KIAA1328: variants seen among roughly 807,000 people sequenced by gnomAD.
KIAA1328 encodes protein hinderin.
In KIAA1328, 52 loss-of-function variants were observed where a neutral mutation model predicts 68.1. That is an observed-to-expected ratio of 0.76 (90% CI 0.61 to 0.96). The LOEUF is 0.96. Among genes scored for constraint, KIAA1328 ranks in the 40% least tolerant of loss-of-function variants. The pLI is 0.00. For missense variants in KIAA1328, 641 were observed against 677.6 expected (o/e 0.95, Z 0.60); for synonymous variants, 232 against 239.4 (o/e 0.97, Z 0.28).
intron 6 of KIAA1328, among the ~76,000 whole-genome samples, chr18:37,060,730 A>G (rs1425370606): frequency 2.6e-5 from 4 of 152,226 alleles, no homozygotes; most frequent in South Asian, 4.1e-4. Context: ...AAGACTATTC[A>G]TACATGCTTT....
rs77970548 is a variant in KIAA1328, at chr18:36,843,175, C to T, written c.238-1033C>T. 3.3e-4 allele frequency among the ~76,000 whole-genome samples: 51 copies of T among 152,274 alleles called. No homozygotes were observed. The East Asian group carries it at 6.9e-3, about 21-fold the overall frequency. ...TAGTTTGAAAGCTAGACCTACCTTT[C>T]CAGCTTCCTGCCTAGACGTTTGCAC... On this transcript the variant is annotated intron_variant, in intron 3 of 9. Transcript: ENST00000280020.
intron 7 of KIAA1328, among the ~76,000 whole-genome samples, chr18:37,136,634 A>T (rs370801822): frequency 6.6e-6 from 1 of 152,180 alleles, no homozygotes; most frequent in Non-Finnish European, 1.5e-5. Context: ...ATTGCCAGGG[A>T]TTCAGAGTAG....
intron 6 of KIAA1328, among the ~76,000 whole-genome samples, chr18:36,999,751 A>G (rs1210645421): frequency 6.6e-6 from 1 of 152,226 alleles, no homozygotes; most frequent in Non-Finnish European, 1.5e-5. Context: ...CAGACCTACA[A>G]GAAATGCTCA....
At chr18:37,158,892 G>A (rs1217271543) in intron 7 of KIAA1328, among the ~76,000 whole-genome samples, 1 of 152,152 alleles carries the variant, frequency 6.6e-6, no homozygotes, top group South Asian at 2.1e-4. Flanking sequence ...GGATTTGCCT[G>A]GGTTTGGGGC....
chr18:36,919,559 C>T (rs146894872), intron 5 of KIAA1328, among the ~76,000 whole-genome samples: 128 of 152,088 alleles, frequency 8.4e-4, no homozygotes, highest in Non-Finnish European at 1.7e-3. Context: ...TTTGTTAGAA[C>T]GATTTATTTT....
intron 7 of KIAA1328, among the ~76,000 whole-genome samples, chr18:37,104,741 T>TATC (rs3085912): frequency 0.44 from 66,390 of 151,786 alleles, 16,491 homozygotes; most frequent in African/African-American, 0.69. Context: ...TGCATCAAAA[T>TATC]ATATGTACCC....
At chr18:36,984,969 T>C (rs2052855597) in intron 6 of KIAA1328, among the ~76,000 whole-genome samples, 1 of 149,266 alleles carries the variant, frequency 6.7e-6, no homozygotes, top group Middle Eastern at 3.2e-3. Flanking sequence ...GGACATACGA[T>C]ACTGTTAAGA....
intron 6 of KIAA1328, among the ~76,000 whole-genome samples, chr18:36,976,666 T>C (rs892753519): frequency 6.6e-6 from 1 of 151,796 alleles, no homozygotes; most frequent in Admixed American, 6.6e-5. Context: ...TGTTATATAT[T>C]ATAATTAATT....
chr18:37,197,660 T>G (rs560711610), intron 9 of KIAA1328, among the ~76,000 whole-genome samples: 121 of 152,248 alleles, frequency 7.9e-4, no homozygotes, highest in Non-Finnish European at 1.4e-3. Context: ...TGCAGAATAC[T>G]GAAGGATTCT....
At chr18:36,971,989 T>C (rs1428190264) in intron 6 of KIAA1328, among the ~76,000 whole-genome samples, 1 of 152,198 alleles carries the variant, frequency 6.6e-6, no homozygotes, top group African/African-American at 2.4e-5. Flanking sequence ...AACCTGCATA[T>C]GTACAGTGAA....
chr18:37,106,422 C>CTTT (rs1314317662), intron 7 of KIAA1328, among the ~76,000 whole-genome samples: 3 of 140,192 alleles, frequency 2.1e-5, no homozygotes, highest in Admixed American at 7.2e-5. Context: ...CTAAAAATCA[C>CTTT]TTTTTTTTTT....
chr18:37,178,762 C>T (rs2059643008), intron 9 of KIAA1328, among the ~76,000 whole-genome samples: 1 of 152,074 alleles, frequency 6.6e-6, no homozygotes, highest in South Asian at 2.1e-4. Flanking sequence ...CGTTTGGTAA[C>T]AGCCATTCTG....
chr18:36,843,925 A>G (rs1332827020), intron 3 of KIAA1328, among the ~76,000 whole-genome samples: 1 of 152,146 alleles, frequency 6.6e-6, no homozygotes, highest in Non-Finnish European at 1.5e-5. Context: ...TTTCTATGAC[A>G]TTCACAAAGG....
intron 5 of KIAA1328, among the ~76,000 whole-genome samples, chr18:36,925,491 T>C (rs1191301971): frequency 3.9e-5 from 6 of 152,174 alleles, no homozygotes; most frequent in Admixed American, 3.9e-4. Flanking sequence ...AGATCATTGT[T>C]GAAACTAATT....
intron 4 of KIAA1328, among the ~76,000 whole-genome samples, chr18:36,879,305 C>A (rs1568114002): frequency 6.6e-6 from 1 of 152,098 alleles, no homozygotes; most frequent in Non-Finnish European, 1.5e-5. Context: ...CTGGAGTTTG[C>A]TTGAGGTCCA....
At chr18:37,005,154 A>G (rs940296220) in intron 6 of KIAA1328, among the ~76,000 whole-genome samples, 3 of 151,994 alleles carry the variant, frequency 2.0e-5, no homozygotes, top group African/African-American at 7.2e-5. Flanking sequence ...TTGGGTGATG[A>G]GTGGACCAAA....
chr18:36,880,338 G>A lies in KIAA1328; in HGVS notation c.333-5219G>A, dbSNP rs142468804. Among the ~76,000 whole-genome samples, 465 of 152,196 alleles carry A rather than the reference G, an allele frequency of 3.1e-3. 6 individuals are homozygous for A. Among genetic ancestry groups the A allele is most frequent in the Admixed American group, 0.021 (314 of 15,284 alleles). ...AGGTAATGCACCATCCTTACCTTCCGTGGGCTGTACCCACTCTCTAACCAG... is the reference window on the plus strand; with the variant it reads ...AGGTAATGCACCATCCTTACCTTCCATGGGCTGTACCCACTCTCTAACCAG... On this transcript the variant is annotated intron_variant, in intron 4 of 9. Transcript: ENST00000280020.
In KIAA1328 at chr18:37,131,166, A is replaced by T. The variant is rs150497368; in HGVS notation, c.1233-29034A>T. Among the ~76,000 whole-genome samples, 173 of 152,312 alleles carry T rather than the reference A, an allele frequency of 1.1e-3. 1 individual carries two copies. The highest frequency in any genetic ancestry group is 4.0e-3 in the African/African-American group (166 of 41,558). On this transcript the variant is annotated intron_variant, in intron 7 of 9. Coordinates refer to ENST00000280020, the MANE Select transcript of KIAA1328 (RefSeq NM_020776.3). ...TCTATGCTTGAGTTATACTTGTGTG[A>T]TTTAATTTGTGAGACTTACATGTTC...
intron 7 of KIAA1328, among the ~76,000 whole-genome samples, chr18:37,091,571 A>G (rs2057268875): frequency 1.3e-5 from 2 of 152,106 alleles, no homozygotes; most frequent in African/African-American, 4.8e-5. Context: ...AAGAGAGTTG[A>G]TACTGGGTCC....
Sources: allele counts gnomAD v4.1 joint callset (sites outside exome capture counted in the v4.1 genomes callset), GRCh38; gene constraint gnomAD v4.1.1; transcripts MANE v1.5; gene names NCBI Gene and HGNC (gene_info 2026-07-23, HGNC 2026-07-21).